Variants in RNF6 observed in about 807,000 individuals in gnomAD.
RNF6 encodes E3 ubiquitin-protein ligase RNF6.
Under a neutral mutation model 50.1 loss-of-function variants are expected in RNF6, and 21 were observed. The ratio of observed to expected loss-of-function variants is 0.42; its 90% CI spans 0.30 to 0.60. The LOEUF (loss-of-function observed/expected upper bound fraction) is 0.60, where lower values mean the gene tolerates loss of function less well. Among genes scored for constraint, RNF6 ranks in the 20% least tolerant of loss-of-function variants. The pLI is 0.20. For missense variants in RNF6, 698 were observed against 838.2 expected, an observed-to-expected ratio of 0.83 and a Z score of 2.07; for synonymous variants, 255 against 291.8, an observed-to-expected ratio of 0.87 and a Z score of 1.29.
intron 5 of RNF6, among the ~76,000 whole-genome samples, chr13:26,146,725 C>G (rs1871267038): frequency 6.6e-6 from 1 of 152,136 alleles, no homozygotes; most frequent in African/African-American, 2.4e-5. Context: ...TAGCTAGAAC[C>G]CTTTATGACT....
intron 4 of RNF6, among the ~76,000 whole-genome samples, chr13:26,217,092 AT>A (rs1869961769): frequency 1.3e-5 from 2 of 152,264 alleles, no homozygotes; most frequent in Admixed American, 6.5e-5. Flanking sequence ...TGCCAATAAA[AT>A]AAACAGCAAC....
intron 5 of RNF6, among the ~76,000 whole-genome samples, chr13:26,162,604 C>T (rs1290154387): frequency 6.6e-6 from 1 of 152,208 alleles, no homozygotes; most frequent in Non-Finnish European, 1.5e-5. Flanking sequence ...CATGCTTTTC[C>T]TCAATGGATG....
intron 5 of RNF6, among the ~76,000 whole-genome samples, chr13:26,206,249 T>C (rs1869103873): frequency 7.0e-6 from 1 of 142,662 alleles, no homozygotes; most frequent in African/African-American, 2.6e-5. Flanking sequence ...GCAGAGGAAG[T>C]AGATGGATGC....
chr13:26,150,366 T>C (rs776785196), intron 5 of RNF6, among the ~76,000 whole-genome samples: 13 of 152,092 alleles, frequency 8.5e-5, no homozygotes, highest in Non-Finnish European at 1.6e-4. Flanking sequence ...AAAATGATCA[T>C]TAGGATTGTG....
rs764647754 is a variant in RNF6, at chr13:26,213,960, G to C, written c.1922C>G (p.Thr641Ser). ...AGGTAATTGCCTGAGCTTGTTTCCA[G>C]TTACATAGTCACTAATACAAACACT... ...ICSVCISDYV[T>S]GNKLRQLPCM... Residue 641 changes from threonine (T) to serine (S), a missense_variant, in exon 5 of 5, where the codon ACT becomes AGT. Thr to Ser is a moderately conservative substitution (Grantham distance 58, BLOSUM62 1). Transcript: ENST00000381588. 5 of 1,614,052 alleles carry C rather than the reference G, an allele frequency of 3.1e-6. No homozygotes were observed. Among genetic ancestry groups the C allele is most frequent in the African/African-American group, 1.3e-5 (1 of 74,926 alleles).
chr13:26,170,321 T>C (rs1872637779), intron 5 of RNF6, among the ~76,000 whole-genome samples: 1 of 152,034 alleles, frequency 6.6e-6, no homozygotes, highest in Non-Finnish European at 1.5e-5. Flanking sequence ...CCAGATTTAA[T>C]AGGTGAAGAA....
chr13:26,160,374 C>G (rs1463716916), intron 5 of RNF6, among the ~76,000 whole-genome samples: 1 of 151,906 alleles, frequency 6.6e-6, no homozygotes, highest in African/African-American at 2.4e-5. Flanking sequence ...TAAAAGTTCT[C>G]TATTTTCTTC....
chr13:26,222,320 C>T (rs989145148), upstream of RNF6: 1 of 152,284 alleles, frequency 6.6e-6, no homozygotes, highest in South Asian at 2.1e-4. Context: ...CAACTGAAAA[C>T]TGCGTCCGTC....
exon 6 of RNF6, chr13:26,132,123 A>G (rs1413051243): frequency 7.7e-6 from 1 of 129,662 alleles, no homozygotes; most frequent in Non-Finnish European, 1.6e-5. Flanking sequence ...GCCATATTTA[A>G]GAATGCTTTT....
chr13:26,159,165 T>C (rs1257651960), intron 5 of RNF6, among the ~76,000 whole-genome samples: 2 of 152,078 alleles, frequency 1.3e-5, no homozygotes, highest in Non-Finnish European at 2.9e-5. Flanking sequence ...AGTGTAAACA[T>C]TGTGAGTTTT....
intron 5 of RNF6, among the ~76,000 whole-genome samples, chr13:26,137,708 C>A (rs112879755): frequency 1.4e-5 from 2 of 146,438 alleles, no homozygotes; most frequent in Admixed American, 1.4e-4. Context: ...ATAACTGAAA[C>A]GAGAAATTCA....
intron 2 of RNF6, among the ~76,000 whole-genome samples, chr13:26,220,150 A>T (rs983238659): frequency 6.6e-6 from 1 of 152,246 alleles, no homozygotes; most frequent in East Asian, 1.9e-4. Flanking sequence ...CATGAATGTA[A>T]TATTATCCCC....
chr13:26,175,754 C>T (rs1304245651), intron 5 of RNF6, among the ~76,000 whole-genome samples: 1 of 152,146 alleles, frequency 6.6e-6, no homozygotes, highest in Admixed American at 6.6e-5. Context: ...TAGTGACCTC[C>T]TCCTACGCAA....
At chr13:26,171,999 A>G (rs962418251) in intron 5 of RNF6, among the ~76,000 whole-genome samples, 1 of 152,238 alleles carries the variant, frequency 6.6e-6, no homozygotes, top group African/African-American at 2.4e-5. Context: ...TAATAGTTGC[A>G]TAACTTTGTG....
chr13:26,167,965 T>G (rs1234125847), intron 5 of RNF6, among the ~76,000 whole-genome samples: 1 of 152,138 alleles, frequency 6.6e-6, no homozygotes, highest in Admixed American at 6.5e-5. Context: ...AAATACCACA[T>G]GTTCTCACCC....
chr13:26,182,117 A>G (rs1022939067), intron 5 of RNF6, among the ~76,000 whole-genome samples: 1 of 152,238 alleles, frequency 6.6e-6, no homozygotes, highest in African/African-American at 2.4e-5. Context: ...AGTTTTCAAA[A>G]ATGCTTTAAG....
In RNF6 at chr13:26,215,107, T is replaced by C. The variant is rs1245276819; in HGVS notation, c.775A>G (p.Thr259Ala). 6.2e-7 allele frequency: 1 copy of C among 1,614,136 alleles called. No homozygotes were observed. Among genetic ancestry groups the C allele is most frequent in the African/African-American group, 1.3e-5 (1 of 74,948 alleles). The change falls in exon 5 of 5, where the codon ACA (threonine) becomes GCA (alanine). Residue 259 changes from threonine to alanine, a missense_variant. By Grantham distance (58) the Thr-to-Ala change is moderately conservative. Coordinates refer to ENST00000381588, the MANE Select transcript of RNF6 (RefSeq NM_005977.4). Reference protein sequence around the residue: ...NASRTNFSSHTNQSGGSELRQ... With the variant: ...NASRTNFSSHANQSGGSELRQ... ...AGTTCACTACCACCTGATTGGTTTG[T>C]GTGACTACTGAAATTAGTGCGTGAA...
At chr13:26,206,944 T>C (rs1040249830) in intron 5 of RNF6, among the ~76,000 whole-genome samples, 2 of 152,120 alleles carry the variant, frequency 1.3e-5, no homozygotes, top group African/African-American at 4.8e-5. Flanking sequence ...AATTTTATTT[T>C]ACAATTGTGT....
At position 26,190,002 on chromosome 13, in the gene RNF6, A is replaced by G. The variant is rs533785168; in HGVS notation, n.768+25472T>C. Among the ~76,000 whole-genome samples the G allele has an allele frequency of 1.4e-4, 22 of 152,358 alleles. 1 individual carries two copies. The South Asian group carries it at 2.5e-3, about 17-fold the overall frequency. Reference sequence around the variant, plus strand: ...GATTAATTTTCTTACAGTTCTGTGCATTAGAAATCCAACACAGGTCTCACG... The same window carrying G: ...GATTAATTTTCTTACAGTTCTGTGCGTTAGAAATCCAACACAGGTCTCACG... On this transcript the variant is annotated intron_variant and non_coding_transcript_variant, in intron 5 of 5. Transcript: ENST00000468480.
Sources: allele counts gnomAD v4.1 joint callset (sites outside exome capture counted in the v4.1 genomes callset), GRCh38; gene constraint gnomAD v4.1.1; transcripts MANE v1.5; gene names NCBI Gene and HGNC (gene_info 2026-07-23, HGNC 2026-07-21).